PTGFRN: variants seen among roughly 807,000 people sequenced by gnomAD.
The protein encoded by PTGFRN is prostaglandin F2 receptor negative regulator.
In PTGFRN, 35 loss-of-function variants were observed where a neutral mutation model predicts 83.2. That is an observed-to-expected ratio of 0.42 (90% CI 0.32 to 0.56). The LOEUF is 0.56. PTGFRN is among the 20% of genes least tolerant of loss of function. PTGFRN has a pLI of 0.11. For missense variants in PTGFRN, 1,051 were observed against 1,179.5 expected (o/e 0.89, Z 1.60); for synonymous variants, 519 against 498.6 (o/e 1.04, Z -0.55).
intron 4 of PTGFRN, 57 bp downstream of exon 4, chr1:116,949,629 A>C: frequency 6.5e-7 from 1 of 1,547,248 alleles, no homozygotes; most frequent in South Asian, 1.3e-5. Context: ...CCTCGGAGTT[A>C]TCTGAAGGAG....
At chr1:116,910,898 C>T (rs920961418) in intron 1 of PTGFRN, among the ~76,000 whole-genome samples, 1 of 152,184 alleles carries the variant, frequency 6.6e-6, no homozygotes, top group Non-Finnish European at 1.5e-5. Flanking sequence ...CGTATTTATA[C>T]ACAAAGACCT....
intron 4 of PTGFRN, among the ~76,000 whole-genome samples, chr1:116,953,889 G>T (rs1157776744): frequency 1.4e-5 from 2 of 138,672 alleles, no homozygotes; most frequent in Admixed American, 7.8e-5. Context: ...GTCTCGCTCT[G>T]TCGCCCAGGC....
intron 6 of PTGFRN, 94 bp from the exon 7 acceptor site, chr1:116,974,122 G>T (rs548043002): frequency 2.1e-6 from 2 of 953,294 alleles, no homozygotes; most frequent in South Asian, 1.6e-5. Flanking sequence ...TCCCAGGGAA[G>T]AGAACCACAT....
chr1:116,920,881 C>T (rs902139704), intron 1 of PTGFRN, among the ~76,000 whole-genome samples: 10 of 152,170 alleles, frequency 6.6e-5, no homozygotes, highest in African/African-American at 2.4e-4. Flanking sequence ...GCCTCAGCCT[C>T]CCAAAGTGCT....
chr1:116,939,039 C>T (rs976407580), intron 1 of PTGFRN, among the ~76,000 whole-genome samples: 3 of 152,242 alleles, frequency 2.0e-5, no homozygotes, highest in East Asian at 1.9e-4. Flanking sequence ...GGGCAGGCTC[C>T]GCCCCTGAGG....
intron 1 of PTGFRN, among the ~76,000 whole-genome samples, chr1:116,928,561 T>C (rs764810925): frequency 6.6e-6 from 1 of 152,206 alleles, no homozygotes; most frequent in Non-Finnish European, 1.5e-5. Flanking sequence ...GCCTGAACTT[T>C]ATTATCTTGC....
chr1:116,930,067 CA>C (rs1649755864), intron 1 of PTGFRN, among the ~76,000 whole-genome samples: 1 of 152,164 alleles, frequency 6.6e-6, no homozygotes, highest in Admixed American at 6.5e-5. Context: ...TTTTTTCAAA[CA>C]AAGGCATATA....
In PTGFRN at chr1:116,961,767, C is replaced by G; in HGVS notation, c.1639+99C>G. On this transcript the variant is annotated intron_variant, in intron 5 of 8. Transcript: ENST00000393203. The surrounding 1 kb of genome is among the most constrained non-coding windows in gnomAD (Gnocchi z 5.4). ...GTCACCCTCTGCAGGTTATCACTTACACTAGGAATGTGTGTCCTGGACATT... is the reference window on the plus strand; with the variant it reads ...GTCACCCTCTGCAGGTTATCACTTAGACTAGGAATGTGTGTCCTGGACATT... 8.6e-7 allele frequency: 1 copy of G among 1,164,536 alleles called. No homozygotes were observed. The highest frequency in any genetic ancestry group is 2.5e-5 in the East Asian group (1 of 39,534). The allele number at this position is 1,164,536 out of a possible 1,614,324, so 72.1% of individuals were successfully genotyped here. A position where few individuals can be genotyped will look rare whatever the true frequency, so the allele number is the denominator to read the frequency against.
chr1:116,981,975 C>T (rs10923189), intron 7 of PTGFRN, among the ~76,000 whole-genome samples: 26,191 of 152,042 alleles, frequency 0.17, 2,395 homozygotes, highest in Middle Eastern at 0.22. Flanking sequence ...ACAATCCCAC[C>T]CACATCCATG....
In PTGFRN at chr1:116,910,194, C is replaced by T; in HGVS notation, c.-10C>T. The T allele has an allele frequency of 6.7e-7, 1 of 1,487,930 alleles. No individual in the cohort carries two copies. Among genetic ancestry groups the T allele is most frequent in the Middle Eastern group, 2.2e-4 (1 of 4,540 alleles). 92.2% of individuals were successfully genotyped at this position (1,487,930 alleles called of 1,614,324 possible). On this transcript the variant is annotated 5_prime_UTR_variant, in exon 1 of 9. Coordinates refer to ENST00000393203, the MANE Select transcript of PTGFRN (RefSeq NM_020440.4). Reference sequence around the variant, plus strand: ...AGGAGGAGGGGGAGAGTCGCTCCCGCCGGGCGAGCATGGGGCGCCTGGCCT... The same window carrying T: ...AGGAGGAGGGGGAGAGTCGCTCCCGTCGGGCGAGCATGGGGCGCCTGGCCT...
Position 116,929,044 on chromosome 1 carries a change from C to T in PTGFRN, c.50-12671C>T, listed in dbSNP as rs373336300. ...CACTTGGTGTCTGATAGGGACCTCA[C>T]ATTTAAAATGACCAGAAGACAACTC... On this transcript the variant is annotated intron_variant, in intron 1 of 8. Coordinates refer to ENST00000393203, the MANE Select transcript of PTGFRN (RefSeq NM_020440.4). 4.6e-5 allele frequency among the ~76,000 whole-genome samples: 7 copies of T among 152,276 alleles called. No homozygotes were observed. The East Asian group carries it at 1.2e-3, about 25-fold the overall frequency.
Position 116,924,624 on chromosome 1 carries a change from T to C in PTGFRN, c.49+14372T>C, listed in dbSNP as rs76318316. ...CACTTCCCAAGGTGCTGAGAACTGG[T>C]CCCTTGATTGACGCTGTGTGTCACA... On this transcript the variant is annotated intron_variant, in intron 1 of 8. Coordinates refer to ENST00000393203, the MANE Select transcript of PTGFRN (RefSeq NM_020440.4). Among the ~76,000 whole-genome samples the C allele has an allele frequency of 2.0e-5, 3 of 152,278 alleles. No individual in the cohort carries two copies. In the East Asian group the frequency reaches 5.8e-4, roughly 29 times the overall value.
At chr1:116,945,846 G>T (rs1034721806) in intron 3 of PTGFRN, among the ~76,000 whole-genome samples, 1 of 151,710 alleles carries the variant, frequency 6.6e-6, no homozygotes, top group Admixed American at 6.6e-5. Flanking sequence ...GGAAAACATG[G>T]TCTTGTTGAC....
intron 1 of PTGFRN, among the ~76,000 whole-genome samples, chr1:116,926,446 T>C (rs1429413346): frequency 3.9e-5 from 6 of 152,218 alleles, no homozygotes. Context: ...GGATAGATCT[T>C]GCCTCAGCCT....
At position 116,941,969 on chromosome 1, in the gene PTGFRN, G is replaced by A. The variant is rs765722452; in HGVS notation, c.304G>A (p.Val102Met). 57 of 1,614,058 alleles carry A rather than the reference G, an allele frequency of 3.5e-5. No homozygotes were observed. Among genetic ancestry groups the A allele is most frequent in the Non-Finnish European group, 3.4e-5 (40 of 1,180,046 alleles). Reference sequence around the variant, plus strand: ...GTTAAGGCGGACTGCCAACGACGCCGTGGAGCTCCACATAAAGAACGTCCA... The same window carrying A: ...GTTAAGGCGGACTGCCAACGACGCCATGGAGCTCCACATAAAGAACGTCCA... Reference protein sequence around the residue: ...ILLRRTANDAVELHIKNVQPS... With the variant: ...ILLRRTANDAMELHIKNVQPS... Residue 102 changes from valine to methionine, a missense_variant, in exon 2 of 9, where the codon GTG (valine) becomes ATG (methionine). Physicochemically the swap from Val to Met is conservative, Grantham distance 21 (BLOSUM62 1). Coordinates refer to ENST00000393203, the MANE Select transcript of PTGFRN (RefSeq NM_020440.4). The surrounding 1 kb of genome is among the most constrained non-coding windows in gnomAD (Gnocchi z 5.0).
chr1:116,956,071 A>G (rs993478262), intron 4 of PTGFRN, among the ~76,000 whole-genome samples: 2 of 152,180 alleles, frequency 1.3e-5, no homozygotes, highest in Non-Finnish European at 2.9e-5. Flanking sequence ...TTAAAGGACA[A>G]TCTCTGTCCA....
chr1:116,956,043 T>C (rs1009084113), intron 4 of PTGFRN, among the ~76,000 whole-genome samples: 4 of 152,210 alleles, frequency 2.6e-5, no homozygotes, highest in African/African-American at 9.7e-5. Context: ...AAACCATTTT[T>C]AAAATTGTAA....
At chr1:116,928,990 A>G (rs1442334191) in intron 1 of PTGFRN, among the ~76,000 whole-genome samples, 2 of 152,104 alleles carry the variant, frequency 1.3e-5, no homozygotes, top group Non-Finnish European at 2.9e-5. Flanking sequence ...CCAGACTTAA[A>G]CATCCAGCTG....
At chr1:116,944,621 C>T (rs918271161) in intron 2 of PTGFRN, 58 bp from the exon 3 acceptor site, 8 of 1,342,486 alleles carry the variant, frequency 6.0e-6, no homozygotes, top group South Asian at 2.2e-5. Flanking sequence ...GGTGGGCTGG[C>T]CCTTGCCGGC....
Sources: gnomAD v4.1 joint callset for allele counts (sites outside exome capture counted in the v4.1 genomes callset) on GRCh38, gnomAD v4.1.1 for gene constraint, Gnocchi (gnomAD v3.1) non-coding constraint, MANE v1.5 for transcripts, NCBI Gene and HGNC (gene_info 2026-07-23, HGNC 2026-07-21) for gene names.